The following ARHGAP35 variants were observed in gnomAD, a reference collection of about 807,000 sequenced individuals.
The protein encoded by ARHGAP35 is rho GTPase-activating protein 35.
ARHGAP35 carries 15 observed loss-of-function variants against 111.1 expected under a neutral mutation model. The observed-to-expected ratio is 0.13, with a 90% CI of 0.09 to 0.21. ARHGAP35 has a LOEUF of 0.21. Among genes scored for constraint, ARHGAP35 ranks in the 10% least tolerant of loss-of-function variants. ARHGAP35 has a pLI of 1.00. For synonymous variants in ARHGAP35, 643 were observed against 710.3 expected (o/e 0.91, Z 1.51); for missense variants, 1,262 against 1,873.0 (o/e 0.67, Z 6.02).
chr19:46,883,661 T>C (rs997118884), intron 1 of ARHGAP35, among the ~76,000 whole-genome samples: 1 of 152,028 alleles, frequency 6.6e-6, no homozygotes, highest in Non-Finnish European at 1.5e-5. Context: ...GTTGGAAAAA[T>C]GATGCTGATA....
At position 46,879,282 on chromosome 19, in the gene ARHGAP35, G is replaced by A. The variant is rs546252605; in HGVS notation, c.-189+18073G>A. On this transcript the variant is annotated intron_variant, in intron 1 of 6. Coordinates refer to ENST00000672722, the MANE Select transcript of ARHGAP35 (RefSeq NM_004491.5). ...CCAGCCTGGCCAACATGGAGAAACC[G>A]TGTCTCTACTAAAAATACAAAAATG... is the stretch of plus-strand genomic sequence containing the variant. Among the ~76,000 whole-genome samples the A allele has an allele frequency of 5.7e-4, 87 of 151,754 alleles. 1 individual carries two copies. Among genetic ancestry groups the A allele is most frequent in the African/African-American group, 1.8e-3 (74 of 41,380 alleles).
intron 3 of ARHGAP35, among the ~76,000 whole-genome samples, chr19:46,969,775 T>C (rs1430180114): frequency 6.6e-6 from 1 of 152,216 alleles, no homozygotes; most frequent in Non-Finnish European, 1.5e-5. Flanking sequence ...CATTGTTGGA[T>C]CTGTCTGCTA....
At chr19:46,943,064 A>G (rs2056358595) in intron 3 of ARHGAP35, among the ~76,000 whole-genome samples, 3 of 150,588 alleles carry the variant, frequency 2.0e-5, no homozygotes, top group Admixed American at 1.3e-4. Flanking sequence ...TTAAAGAGAC[A>G]GAGTCTCACT....
chr19:46,930,790 A>G (rs1254145020), intron 2 of ARHGAP35, among the ~76,000 whole-genome samples: 2 of 151,870 alleles, frequency 1.3e-5, no homozygotes, highest in Non-Finnish European at 2.9e-5. Flanking sequence ...TGTGGTACCT[A>G]GATGAGCTTT....
intron 5 of ARHGAP35, among the ~76,000 whole-genome samples, chr19:46,995,668 C>T (rs1328214942): frequency 1.3e-5 from 2 of 152,230 alleles, no homozygotes; most frequent in South Asian, 2.1e-4. Flanking sequence ...CTCGGGTCTG[C>T]GGTCAGGGCC....
Position 46,908,934 on chromosome 19 carries a change from G to T in ARHGAP35, c.-188-9554G>T, listed in dbSNP as rs1016946249. The stretch of plus-strand genomic sequence containing the variant: ...TGGAGGTGGGGAGGACAAATCAAGA[G>T]GGGCAGGAGGGGACATTTGCAAAAA... On this transcript the variant is annotated intron_variant, in intron 1 of 6. Transcript: ENST00000672722. The surrounding 1 kb of genome is among the most constrained non-coding windows in gnomAD (Gnocchi z 4.2). 2.6e-5 allele frequency among the ~76,000 whole-genome samples: 4 copies of T among 152,164 alleles called. No homozygotes were observed. Among genetic ancestry groups the T allele is most frequent in the African/African-American group, 9.7e-5 (4 of 41,448 alleles).
At position 46,993,634 on chromosome 19, in the gene ARHGAP35, C is replaced by T. The variant is rs762077092; in HGVS notation, c.4036+3959C>T. Among the ~76,000 whole-genome samples, 29 of 152,194 alleles carry T rather than the reference C, an allele frequency of 1.9e-4. No individual in the cohort carries two copies. Among genetic ancestry groups the T allele is most frequent in the Non-Finnish European group, 1.9e-4 (13 of 68,026 alleles). Reference sequence around the variant, plus strand: ...TTGGGGTCTCTATTGTACTAAATTGCTGGATCTGTGTCCAGGCTGTCTTGG... The same window carrying T: ...TTGGGGTCTCTATTGTACTAAATTGTTGGATCTGTGTCCAGGCTGTCTTGG... On this transcript the variant is annotated intron_variant, in intron 5 of 6. Coordinates refer to ENST00000672722, the MANE Select transcript of ARHGAP35 (RefSeq NM_004491.5). The surrounding 1 kb of genome is among the most constrained non-coding windows in gnomAD (Gnocchi z 4.6).
intron 1 of ARHGAP35, among the ~76,000 whole-genome samples, chr19:46,899,648 C>T (rs111529848): frequency 2.6e-3 from 386 of 150,126 alleles, no homozygotes; most frequent in African/African-American, 9.2e-3. Context: ...TGTGGTGAGC[C>T]ATAATCGCGC....
At chr19:46,893,820 T>A (rs1023636356) in intron 1 of ARHGAP35, among the ~76,000 whole-genome samples, 1 of 152,026 alleles carries the variant, frequency 6.6e-6, no homozygotes, top group Non-Finnish European at 1.5e-5. Context: ...GGGAAGTCCA[T>A]TTATTTATGG....
At chr19:46,913,299 A>G (rs901806791) in intron 1 of ARHGAP35, among the ~76,000 whole-genome samples, 2 of 151,274 alleles carry the variant, frequency 1.3e-5, no homozygotes, top group African/African-American at 2.4e-5. Flanking sequence ...AGAGTGATAC[A>G]CACACTTCCA....
Position 46,918,405 on chromosome 19 carries a change from T to G in ARHGAP35, c.-188-83T>G, listed in dbSNP as rs141881015. Among the ~76,000 whole-genome samples, 54 of 152,352 alleles carry G rather than the reference T, an allele frequency of 3.5e-4. No homozygotes were observed. The highest frequency in any genetic ancestry group is 2.1e-3 in the South Asian group (10 of 4,830). On this transcript the variant is annotated intron_variant, in intron 1 of 6. Coordinates refer to ENST00000672722, the MANE Select transcript of ARHGAP35 (RefSeq NM_004491.5). This position sits in a 1 kb window ranked among gnomAD's most constrained non-coding sequence, Gnocchi z 5.4. The stretch of plus-strand genomic sequence containing the variant: ...ACTAAATATTTGTTGAATAAAAAAT[T>G]AATTTTTACTGTAGTTAATTGATTA...
intron 1 of ARHGAP35, among the ~76,000 whole-genome samples, chr19:46,909,810 G>A (rs992437463): frequency 6.6e-6 from 1 of 151,964 alleles, no homozygotes; most frequent in Admixed American, 6.6e-5. Flanking sequence ...TTCCTGTGTT[G>A]CCCAGGCTAG....
At chr19:46,868,011 C>T (rs1333766469) in intron 1 of ARHGAP35, among the ~76,000 whole-genome samples, 3 of 152,100 alleles carry the variant, frequency 2.0e-5, no homozygotes, top group African/African-American at 4.8e-5. Flanking sequence ...GGATTACAGG[C>T]GCACGCCCAC....
At chr19:46,937,220 A>T in intron 2 of ARHGAP35, 44 bp from the exon 3 acceptor site, 1 of 1,610,554 alleles carries the variant, frequency 6.2e-7, no homozygotes, top group East Asian at 2.2e-5. Flanking sequence ...TTACATGTTG[A>T]TACTCACTTT....
rs566780152 is a variant in ARHGAP35 at position 46,955,228 on chromosome 19, G to T, written c.3826+17820G>T. On this transcript the variant is annotated intron_variant, in intron 3 of 6. Coordinates refer to ENST00000672722, the MANE Select transcript of ARHGAP35 (RefSeq NM_004491.5). ...CCGTCCATGTGATACAACTCCTAGC[G>T]GGGGAGGGATAGTGGGGCATTATAT... Among the ~76,000 whole-genome samples the T allele has an allele frequency of 4.6e-5, 7 of 152,302 alleles. No individual in the cohort carries two copies. In the East Asian group the frequency reaches 1.3e-3, roughly 29 times the overall value.
At chr19:46,928,731 A>T (rs1401933913) in intron 2 of ARHGAP35, among the ~76,000 whole-genome samples, 1 of 152,174 alleles carries the variant, frequency 6.6e-6, no homozygotes, top group African/African-American at 2.4e-5. Flanking sequence ...CAGGAGTTCG[A>T]GACCAGCCTG....
chr19:46,951,947 A>G lies in ARHGAP35; in HGVS notation c.3826+14539A>G, dbSNP rs146898899. On this transcript the variant is annotated intron_variant, in intron 3 of 6. Coordinates refer to ENST00000672722, the MANE Select transcript of ARHGAP35 (RefSeq NM_004491.5). ...AACTGAAGGGGGATGGGGGATTAAG[A>G]GAGGATGCTTAAATGGATATAAAAA... 2.0e-5 allele frequency among the ~76,000 whole-genome samples: 3 copies of G among 152,350 alleles called. No homozygotes were observed. In the East Asian group the frequency reaches 5.8e-4, roughly 29 times the overall value.
rs569167406 is a variant in ARHGAP35, at chr19:46,920,376, C to T, written c.1701C>T (p.Asp567=). The change falls in exon 2 of 7, where the codon GAC becomes GAT. Residue 567 remains aspartate (D), a synonymous_variant. Transcript: ENST00000672722. The surrounding 1 kb of genome is among the most constrained non-coding windows in gnomAD (Gnocchi z 7.0). Reference sequence around the variant, plus strand: ...GCCCCAGCTGCCCAGCTTGTGTGGACGCTAAGATTGAGCACTTGATTAGTT... The same window carrying T: ...GCCCCAGCTGCCCAGCTTGTGTGGATGCTAAGATTGAGCACTTGATTAGTT... ...ETCPSCPACV[D]AKIEHLISSR... 9 of 1,613,948 alleles carry T rather than the reference C, an allele frequency of 5.6e-6. No individual in the cohort carries two copies. In the East Asian group the frequency reaches 8.9e-5, roughly 16 times the overall value.
intron 3 of ARHGAP35, chr19:46,946,418 A>G (rs1383828118): frequency 6.6e-6 from 1 of 152,296 alleles, no homozygotes; most frequent in African/African-American, 2.4e-5. Context: ...TTCCCTGTAT[A>G]TAAAACCTTG....
Sources: allele counts gnomAD v4.1 joint callset (sites outside exome capture counted in the v4.1 genomes callset), GRCh38; gene constraint gnomAD v4.1.1; non-coding constraint Gnocchi (gnomAD v3.1); transcripts MANE v1.5; gene names NCBI Gene and HGNC (gene_info 2026-07-23, HGNC 2026-07-21).